The following ZNF705A variants were observed in gnomAD, a reference collection of about 807,000 sequenced individuals.
ZNF705A encodes the protein zinc finger protein 705A.
ZNF705A carries 8 observed loss-of-function variants against 16.6 expected under a neutral mutation model. The ratio of observed to expected loss-of-function variants is 0.48; its 90% CI spans 0.28 to 0.87. The LOEUF (loss-of-function observed/expected upper bound fraction) is 0.87. ZNF705A is among the 40% of genes least tolerant of loss of function. ZNF705A has a pLI of 0.10. For synonymous variants in ZNF705A, 73 were observed against 117.3 expected (o/e 0.62, Z 2.44); for missense variants, 233 against 359.9 (o/e 0.65, Z 2.85).
In ZNF705A at chr12:8,175,180, C is replaced by T. The variant is rs1294596083; in HGVS notation, c.140-48C>T. 18 of 1,355,636 alleles carry T rather than the reference C, an allele frequency of 1.3e-5. No homozygotes were observed. In the South Asian group the frequency reaches 2.1e-4, roughly 16 times the overall value. The allele number at this position is 1,355,636 out of a possible 1,614,324, so 84.0% of individuals were successfully genotyped here. ...CTGCCTTACACTTGGTGATAATGCA[C>T]ATTTATTGACAGTGAACTCAAAACA... On this transcript the variant is annotated intron_variant, in intron 2 of 4. Transcript: ENST00000359286.
chr12:8,169,403 G>A (rs143798386), upstream of ZNF705A, among the ~76,000 whole-genome samples: 1,105 of 152,182 alleles, frequency 7.3e-3, 10 homozygotes, highest in Middle Eastern at 0.031. Context: ...TTGCAATCCC[G>A]TCAAGATAAC....
intron 1 of ZNF705A, among the ~76,000 whole-genome samples, chr12:8,159,321 G>A (rs890300452): frequency 2.4e-4 from 36 of 152,098 alleles, no homozygotes; most frequent in African/African-American, 8.0e-4. Flanking sequence ...TTTTTCTCTG[G>A]GTGGATACCC....
chr12:8,165,990 C>A (rs1228704791), intron 1 of ZNF705A, among the ~76,000 whole-genome samples: 1 of 152,182 alleles, frequency 6.6e-6, no homozygotes, highest in Admixed American at 6.5e-5. Flanking sequence ...GTGCACACAT[C>A]TTTATGGTAG....
At chr12:8,165,985 C>G (rs1948396435) in intron 1 of ZNF705A, among the ~76,000 whole-genome samples, 1 of 152,172 alleles carries the variant, frequency 6.6e-6, no homozygotes, top group African/African-American at 2.4e-5. Context: ...TATGAGTGCA[C>G]ACATCTTTAT....
At chr12:8,165,795 C>T (rs1217094936) in intron 1 of ZNF705A, among the ~76,000 whole-genome samples, 1 of 152,088 alleles carries the variant, frequency 6.6e-6, no homozygotes, top group Non-Finnish European at 1.5e-5. Flanking sequence ...TCTCTTCCTG[C>T]ATTATTTTAG....
At chr12:8,173,851 T>C (rs546024252) in intron 1 of ZNF705A, among the ~76,000 whole-genome samples, 18 of 152,342 alleles carry the variant, frequency 1.2e-4, no homozygotes, top group Non-Finnish European at 2.2e-4. Flanking sequence ...TCAAAACACA[T>C]CATAGGTCTC....
chr12:8,168,004 G>A (rs1377297868), upstream of ZNF705A, among the ~76,000 whole-genome samples: 1 of 152,192 alleles, frequency 6.6e-6, no homozygotes, highest in Non-Finnish European at 1.5e-5. Context: ...AGAGTTTCCG[G>A]CATGCACAGT....
chr12:8,163,846 A>G (rs972189184), intron 1 of ZNF705A, among the ~76,000 whole-genome samples: 10 of 152,212 alleles, frequency 6.6e-5, no homozygotes, highest in African/African-American at 1.9e-4. Flanking sequence ...AAAAGCCAAG[A>G]GAGAAAAACA....
chr12:8,171,862 G>A (rs1384042742), upstream of ZNF705A, among the ~76,000 whole-genome samples: 2 of 152,114 alleles, frequency 1.3e-5, no homozygotes, highest in Admixed American at 1.3e-4. Context: ...TCAGCCTCCT[G>A]AGTAGCTGGG....
chr12:8,157,923 A>C lies in ZNF705A; in HGVS notation c.-72+831A>C, dbSNP rs1012985507. Among the ~76,000 whole-genome samples, 4 of 152,232 alleles carry C rather than the reference A, an allele frequency of 2.6e-5. No homozygotes were observed. The South Asian group carries it at 8.3e-4, about 32-fold the overall frequency. On this transcript the variant is annotated intron_variant, in intron 1 of 5. Coordinates refer to the ZNF705A transcript ENST00000396570. ...GGCCTTTGTTACAGGCAGGTTTTTA[A>C]AGGAAAAAGAGGCAGACAGTGAGTG...
intron 1 of ZNF705A, among the ~76,000 whole-genome samples, chr12:8,167,409 G>T (rs1948408172): frequency 6.6e-6 from 1 of 152,146 alleles, no homozygotes; most frequent in Non-Finnish European, 1.5e-5. Flanking sequence ...TTTTGATTAG[G>T]TTCAGTGTCT....
chr12:8,166,897 G>A (rs1437626366), intron 1 of ZNF705A, among the ~76,000 whole-genome samples: 1 of 152,238 alleles, frequency 6.6e-6, no homozygotes, highest in Admixed American at 6.5e-5. Context: ...CACCAGCCAA[G>A]GTCTCTGAAA....
At chr12:8,162,690 T>C (rs1285478400) in intron 1 of ZNF705A, among the ~76,000 whole-genome samples, 1 of 151,298 alleles carries the variant, frequency 6.6e-6, no homozygotes, top group African/African-American at 2.4e-5. Flanking sequence ...GAAGTAGGAG[T>C]CAAAGAAAGC....
chr12:8,178,428 A>G (rs968406158), exon 5 of ZNF705A: 2 of 152,790 alleles, frequency 1.3e-5, no homozygotes, highest in South Asian at 2.1e-4. Context: ...GAAAGGAGAA[A>G]ATTCTTTAGT....
intron 1 of ZNF705A, among the ~76,000 whole-genome samples, chr12:8,165,679 C>T (rs1421418386): frequency 6.6e-6 from 1 of 151,984 alleles, no homozygotes; most frequent in African/African-American, 2.4e-5. Flanking sequence ...CCCCACCTTC[C>T]CTTCCCCCTC....
In ZNF705A at chr12:8,176,391, G is replaced by C. The variant is rs1466910271; in HGVS notation, c.318+449G>C. 5.9e-5 allele frequency among the ~76,000 whole-genome samples: 9 copies of C among 152,248 alleles called. No homozygotes were observed. In the South Asian group the frequency reaches 1.2e-3, roughly 21 times the overall value. On this transcript the variant is annotated intron_variant, in intron 4 of 4. Coordinates refer to ENST00000359286, the Ensembl canonical transcript of ZNF705A. ...CCTTTCTCCAAAGAAGATTTTGAAGGCTCCAAATTTAAAGGGGAAAGGGTG... is the reference window on the plus strand; with the variant it reads ...CCTTTCTCCAAAGAAGATTTTGAAGCCTCCAAATTTAAAGGGGAAAGGGTG...
At chr12:8,173,685 G>A (rs1244787479) in intron 1 of ZNF705A, among the ~76,000 whole-genome samples, 1 of 152,166 alleles carries the variant, frequency 6.6e-6, no homozygotes, top group Non-Finnish European at 1.5e-5. Flanking sequence ...TGTATGAATT[G>A]AATCCTATAT....
At position 8,162,360 on chromosome 12, in the gene ZNF705A, A is replaced by G. The variant is rs1948362941; in HGVS notation, c.-72+5268A>G. Among the ~76,000 whole-genome samples, 3 of 152,342 alleles carry G rather than the reference A, an allele frequency of 2.0e-5. No individual in the cohort carries two copies. The South Asian group carries it at 6.2e-4, about 32-fold the overall frequency. Reference sequence around the variant, plus strand: ...GGGACTATTTATACTGACTCCAAGTATGCCTTTGGAGTAGTCCACACCTTT... The same window carrying G: ...GGGACTATTTATACTGACTCCAAGTGTGCCTTTGGAGTAGTCCACACCTTT... On this transcript the variant is annotated intron_variant, in intron 1 of 5. Transcript: ENST00000396570.
At position 8,175,962 on chromosome 12, in the gene ZNF705A, A is replaced by G. The variant is rs772322015; in HGVS notation, c.318+20A>G. ...ACAATGGTAAGTTTTATAGCTGTGT[A>G]CACCAGTCATCTAAGTTAAAGACAT... On this transcript the variant is annotated intron_variant, in intron 4 of 4. Transcript: ENST00000359286. The G allele has an allele frequency of 6.2e-7, 1 of 1,610,252 alleles. No individual in the cohort carries two copies. Among genetic ancestry groups the G allele is most frequent in the Admixed American group, 1.7e-5 (1 of 59,742 alleles).
Sources: gnomAD v4.1 joint callset for allele counts (sites outside exome capture counted in the v4.1 genomes callset) on GRCh38, gnomAD v4.1.1 for gene constraint, MANE v1.5 for transcripts, NCBI Gene and HGNC (gene_info 2026-07-23, HGNC 2026-07-21) for gene names.